CCDC3: variants seen among roughly 807,000 people sequenced by gnomAD.
CCDC3 encodes coiled-coil domain containing 3.
CCDC3 carries 24 observed loss-of-function variants against 21.4 expected under a neutral mutation model. The observed-to-expected ratio is 1.12, with a 90% CI of 0.81 to 1.58. The LOEUF (loss-of-function observed/expected upper bound fraction) is 1.58. Ranked by LOEUF, CCDC3 falls within the 40% of genes most tolerant of loss-of-function variation. CCDC3 has a pLI of 0.00. For synonymous variants in CCDC3, 186 were observed against 166.0 expected (o/e 1.12, Z -0.93); for missense variants, 425 against 360.9 (o/e 1.18, Z -1.44).
intron 2 of CCDC3, among the ~76,000 whole-genome samples, chr10:12,902,280 C>T (rs1014405934): frequency 1.3e-5 from 2 of 152,130 alleles, no homozygotes; most frequent in Non-Finnish European, 2.9e-5. Flanking sequence ...CAGGGGAGAC[C>T]ATATGTGCAA....
intron 5 of CCDC3, among the ~76,000 whole-genome samples, chr10:13,012,992 C>T (rs1170145683): frequency 6.6e-6 from 1 of 152,120 alleles, no homozygotes; most frequent in Admixed American, 6.5e-5. Context: ...TTTTTATATT[C>T]AAAATTCACA....
At chr10:12,966,278 G>GGTGCTCAGTTACC (rs1385201578) in intron 2 of CCDC3, among the ~76,000 whole-genome samples, 4 of 151,784 alleles carry the variant, frequency 2.6e-5, no homozygotes, top group Admixed American at 1.3e-4. Context: ...ATTACTATAT[G>GGTGCTCAGTTACC]AGCAAGGTTG....
At chr10:12,983,852 G>A (rs1805945384) in intron 2 of CCDC3, among the ~76,000 whole-genome samples, 1 of 152,084 alleles carries the variant, frequency 6.6e-6, no homozygotes, top group Non-Finnish European at 1.5e-5. Context: ...GGCTGAGGTG[G>A]GCAGATCACT....
chr10:13,034,702 A>AAAAC (rs142897479), intron 5 of CCDC3, among the ~76,000 whole-genome samples: 12,469 of 151,148 alleles, frequency 0.082, 624 homozygotes, highest in Middle Eastern at 0.17. Flanking sequence ...CTCACTGTAA[A>AAAAC]AAACAAACAA....
chr10:12,993,357 A>G (rs1835707393), intron 2 of CCDC3, among the ~76,000 whole-genome samples: 1 of 152,218 alleles, frequency 6.6e-6, no homozygotes, highest in African/African-American at 2.4e-5. Flanking sequence ...TGGAAATGGC[A>G]GAGCCGATCA....
chr10:13,048,329 C>T (rs745658061), intron 5 of CCDC3, among the ~76,000 whole-genome samples: 2 of 152,006 alleles, frequency 1.3e-5, no homozygotes, highest in Non-Finnish European at 2.9e-5. Context: ...GTAGCAGGGA[C>T]TACAGGTGCG....
chr10:13,003,036 T>C (rs1835878361), upstream of CCDC3, among the ~76,000 whole-genome samples: 1 of 152,226 alleles, frequency 6.6e-6, no homozygotes. Context: ...ACAGTCACAT[T>C]AGGGAGTTAG....
intron 5 of CCDC3, among the ~76,000 whole-genome samples, chr10:13,044,156 C>T (rs1836495731): frequency 6.6e-6 from 1 of 152,134 alleles, no homozygotes; most frequent in African/African-American, 2.4e-5. Flanking sequence ...TGTACAGCTT[C>T]TTTTGAGAAG....
intron 5 of CCDC3, among the ~76,000 whole-genome samples, chr10:13,023,130 A>G (rs1197816456): frequency 1.3e-5 from 2 of 152,170 alleles, no homozygotes; most frequent in African/African-American, 4.8e-5. Flanking sequence ...TTGTACAGCA[A>G]AAGGAAAGTG....
At chr10:12,993,769 C>G (rs1228614252) in intron 2 of CCDC3, among the ~76,000 whole-genome samples, 1 of 152,132 alleles carries the variant, frequency 6.6e-6, no homozygotes, top group Non-Finnish European at 1.5e-5. Flanking sequence ...CTGCTGACAT[C>G]TTGGCAGCTT....
At chr10:13,042,530 A>G (rs947408807) in intron 5 of CCDC3, among the ~76,000 whole-genome samples, 1 of 152,216 alleles carries the variant, frequency 6.6e-6, no homozygotes, top group African/African-American at 2.4e-5. Flanking sequence ...CCGAATACCT[A>G]TTTTTAAATT....
In CCDC3 at chr10:12,948,494, C is replaced by T. The variant is rs117825704; in HGVS notation, c.550-49815G>A. On this transcript the variant is annotated intron_variant, in intron 2 of 2. Coordinates refer to ENST00000378825, the MANE Select transcript of CCDC3 (RefSeq NM_031455.4). Reference sequence around the variant, plus strand: ...ACACACACACACACACACACACACACGGGAGGGGCCACCTTCAGCTCCAGA... The same window carrying T: ...ACACACACACACACACACACACACATGGGAGGGGCCACCTTCAGCTCCAGA... 3.7e-3 allele frequency among the ~76,000 whole-genome samples: 540 copies of T among 146,230 alleles called. 1 individual carries two copies. The highest frequency in any genetic ancestry group is 6.0e-3 in the Non-Finnish European group (396 of 66,180).
At chr10:12,955,681 T>G (rs1184677469) in intron 2 of CCDC3, among the ~76,000 whole-genome samples, 1 of 151,860 alleles carries the variant, frequency 6.6e-6, no homozygotes, top group East Asian at 2.0e-4. Flanking sequence ...GCCTCCCAAG[T>G]GGCTGGTATT....
intron 2 of CCDC3, among the ~76,000 whole-genome samples, chr10:12,938,101 C>A (rs778753270): frequency 6.6e-6 from 1 of 152,212 alleles, no homozygotes. Context: ...GGCTCCTTCC[C>A]AAAGACACAG....
At chr10:13,092,641 T>A (rs575368465) in intron 3 of CCDC3, among the ~76,000 whole-genome samples, 1 of 152,124 alleles carries the variant, frequency 6.6e-6, no homozygotes, top group Non-Finnish European at 1.5e-5. Flanking sequence ...TCCCAGTAGA[T>A]TCAGAAAAAG....
intron 2 of CCDC3, among the ~76,000 whole-genome samples, chr10:12,919,129 A>G (rs893385551): frequency 6.6e-5 from 10 of 152,212 alleles, no homozygotes; most frequent in African/African-American, 2.4e-4. Context: ...ACAGTTTTTA[A>G]AATGCCCACA....
At chr10:13,004,017 T>C (rs1835896705), upstream of CCDC3, among the ~76,000 whole-genome samples, 1 of 152,158 alleles carries the variant, frequency 6.6e-6, no homozygotes, top group Non-Finnish European at 1.5e-5. Context: ...CAGTTCCTCT[T>C]TGGGGACTAA....
rs764071462 is a variant in CCDC3, at chr10:12,908,612, CTTTT to C, written c.550-9937_550-9934del. On this transcript the variant is annotated intron_variant, in intron 2 of 2. Coordinates refer to ENST00000378825, the MANE Select transcript of CCDC3 (RefSeq NM_031455.4). ...TTCTTGGCTAAGAACTGTGATTTTT[CTTTT>C]TTTTTTTTTTTGAGACAGAGTTTCC... Among the ~76,000 whole-genome samples, 17 of 139,326 alleles carry C rather than the reference CTTTT, an allele frequency of 1.2e-4. No homozygotes were observed. The South Asian group carries it at 3.9e-3, about 32-fold the overall frequency. The allele number at this position is 139,326 out of a possible 152,430, so 91.4% of individuals were successfully genotyped here.
intron 2 of CCDC3, among the ~76,000 whole-genome samples, chr10:12,969,684 ATTT>A (rs930461051): frequency 8.7e-5 from 13 of 149,434 alleles, no homozygotes; most frequent in Non-Finnish European, 1.6e-4. Flanking sequence ...AATTTTAGAA[ATTT>A]TTTAATATTT....
Sources: gnomAD v4.1 joint callset for allele counts (sites outside exome capture counted in the v4.1 genomes callset) on GRCh38, gnomAD v4.1.1 for gene constraint, MANE v1.5 for transcripts, NCBI Gene and HGNC (gene_info 2026-07-23, HGNC 2026-07-21) for gene names.